Variants in MGA observed in about 807,000 individuals in gnomAD.
MGA encodes MAX dimerization protein MGA, also known as MAX gene-associated protein.
Under a neutral mutation model 261.1 loss-of-function variants are expected in MGA, and 40 were observed. That is an observed-to-expected ratio of 0.15 (90% CI 0.12 to 0.20). MGA has a LOEUF of 0.20. Ranked by LOEUF, MGA falls within the 10% of genes least tolerant of loss-of-function variation. The pLI is 1.00. For missense variants in MGA, 3,397 were observed against 3,630.5 expected, an observed-to-expected ratio of 0.94 and a Z score of 1.65; for synonymous variants, 1,302 against 1,290.6, an observed-to-expected ratio of 1.01 and a Z score of -0.19.
At chr15:41,655,592 CAT>C (rs1278571882), upstream of MGA, among the ~76,000 whole-genome samples, 2 of 151,940 alleles carry the variant, frequency 1.3e-5, no homozygotes, top group Non-Finnish European at 2.9e-5. Flanking sequence ...ATTTTTTCCA[CAT>C]ATTTTTGATC....
Position 41,708,213 on chromosome 15 carries a change from T to C in MGA, c.2425+5T>C. ...CTTCTGCATCTAGGAATGAAGGTAA[T>C]TAGTTTTTTAAAATTTTTTAAATGT... On this transcript the variant is annotated splice_donor_5th_base_variant and intron_variant, in intron 7 of 23. Coordinates refer to ENST00000219905, the MANE Select transcript of MGA (RefSeq NM_001164273.2). The C allele has an allele frequency of 6.5e-7, 1 of 1,548,058 alleles. No individual in the cohort carries two copies. The highest frequency in any genetic ancestry group is 8.7e-7 in the Non-Finnish European group (1 of 1,144,130).
At chr15:41,732,088 C>A (rs1055665661) in intron 11 of MGA, among the ~76,000 whole-genome samples, 4 of 152,036 alleles carry the variant, frequency 2.6e-5, no homozygotes, top group Non-Finnish European at 5.9e-5. Context: ...GTATACTTGA[C>A]CCCAAAGGTG....
intron 5 of MGA, among the ~76,000 whole-genome samples, chr15:41,706,326 C>T (rs1449787399): frequency 7.2e-6 from 1 of 138,730 alleles, no homozygotes; most frequent in East Asian, 2.1e-4. Flanking sequence ...AAATAGCTGT[C>T]TTTTTTTTTT....
Position 41,769,817 on chromosome 15 carries a change from T to C in MGA, c.*2537T>C, listed in dbSNP as rs1255637074. On this transcript the variant is annotated 3_prime_UTR_variant, in exon 24 of 24. Transcript: ENST00000219905. ...AGCATTTTCTTTTATATATTAAATATATATATCTTTCCTTTTCTGCTTTCG... is the reference window on the plus strand; with the variant it reads ...AGCATTTTCTTTTATATATTAAATACATATATCTTTCCTTTTCTGCTTTCG... 6.6e-6 allele frequency: 1 copy of C among 152,590 alleles called. No individual in the cohort carries two copies. Among genetic ancestry groups the C allele is most frequent in the African/African-American group, 2.4e-5 (1 of 41,434 alleles). The allele number at this position is 152,590 out of a possible 1,614,324, so 9.5% of individuals were successfully genotyped here. A position where few individuals can be genotyped will look rare whatever the true frequency, so the allele number is the denominator to read the frequency against.
rs540546798 is a variant in MGA, at chr15:41,696,015, CAA to C, written c.1065-59_1065-58del. The C allele has an allele frequency of 2.2e-3, 2,421 of 1,118,630 alleles. 8 individuals are homozygous for C. The highest frequency in any genetic ancestry group is 3.3e-3 in the South Asian group (170 of 51,490). The allele number at this position is 1,118,630 out of a possible 1,614,324, so 69.3% of individuals were successfully genotyped here. The stretch of plus-strand genomic sequence containing the variant: ...TAACATCTTTTTTTTTTTTTCTCTT[CAA>C]GTCTTGTTAATGGATCATTTTGTAC... On this transcript the variant is annotated intron_variant, in intron 2 of 23. Coordinates refer to ENST00000219905, the MANE Select transcript of MGA (RefSeq NM_001164273.2).
intron 2 of MGA, among the ~76,000 whole-genome samples, chr15:41,673,500 G>A (rs1362428594): frequency 2.7e-5 from 4 of 149,990 alleles, no homozygotes; most frequent in Non-Finnish European, 5.9e-5. Context: ...TTACAGGCGT[G>A]AGCTACCATG....
chr15:41,768,951 C>T lies in MGA; in HGVS notation c.*1671C>T, dbSNP rs753028590. The T allele has an allele frequency of 6.6e-6, 1 of 152,540 alleles. No individual in the cohort carries two copies. The highest frequency in any genetic ancestry group is 1.5e-5 in the Non-Finnish European group (1 of 68,024). The allele number at this position is 152,540 out of a possible 1,614,324, so 9.4% of individuals were successfully genotyped here. ...TTTTGTGCTGCTTGCCTTTCTAGAT[C>T]TGCTCATCAGCACTTAACCTTCCCT... On this transcript the variant is annotated 3_prime_UTR_variant, in exon 24 of 24. Coordinates refer to ENST00000219905, the MANE Select transcript of MGA (RefSeq NM_001164273.2).
chr15:41,735,034 G>A (rs547611939), intron 12 of MGA, among the ~76,000 whole-genome samples: 1 of 152,238 alleles, frequency 6.6e-6, no homozygotes, highest in African/African-American at 2.4e-5. Context: ...GTGGTCAGGT[G>A]GTTACCAATT....
At chr15:41,640,750 C>T (rs1365100513) in intron 1 of MGA, among the ~76,000 whole-genome samples, 1 of 152,188 alleles carries the variant, frequency 6.6e-6, no homozygotes, top group Non-Finnish European at 1.5e-5. Context: ...AACTCCTGAC[C>T]TCACGATCTG....
At chr15:41,752,937 CT>C (rs202079582) in intron 17 of MGA, among the ~76,000 whole-genome samples, 3 of 151,520 alleles carry the variant, frequency 2.0e-5, no homozygotes, top group Admixed American at 6.6e-5. Context: ...GTTATACTGA[CT>C]TTTTTTTTAA....
intron 11 of MGA, 24 bp downstream of exon 11, chr15:41,729,373 CT>C (rs2061395164): frequency 2.5e-6 from 4 of 1,586,132 alleles, no homozygotes; most frequent in Non-Finnish European, 3.4e-6. Flanking sequence ...TGCATAAGTT[CT>C]TTTTAACTTC....
At chr15:41,667,452 G>T (rs978845299) in intron 1 of MGA, among the ~76,000 whole-genome samples, 3 of 152,106 alleles carry the variant, frequency 2.0e-5, no homozygotes, top group East Asian at 3.9e-4. Flanking sequence ...CACCATGTTG[G>T]CCAGGCTGGT....
rs371316400 is a variant in MGA, at chr15:41,736,612, C to T, written c.4348C>T (p.Leu1450=). The change falls in exon 13 of 24, where the codon CTG becomes TTG. Residue 1450 remains leucine, a synonymous_variant. Transcript: ENST00000219905. ...GGAGAGATTACATGGAGGCAAAGGT[C>T]TGCCTTTTTATGCAGGGCTTTCTCC... 3.1e-6 allele frequency: 5 copies of T among 1,613,884 alleles called. No homozygotes were observed. Among genetic ancestry groups the T allele is most frequent in the Middle Eastern group, 3.3e-4 (2 of 6,084 alleles).
chr15:41,708,262 T>A, intron 7 of MGA, 54 bp downstream of exon 7: 1 of 1,260,412 alleles, frequency 7.9e-7, no homozygotes, highest in Non-Finnish European at 1.1e-6. Flanking sequence ...GCCAGAAACC[T>A]TTTGTTAAAA....
rs34069193 is a variant in MGA, at chr15:41,762,461, G to GTTTTTTTTTTTTTTTTTTTTT, written c.7744+109_7744+129dup. On this transcript the variant is annotated intron_variant, in intron 22 of 23. Transcript: ENST00000219905. Reference sequence around the variant, plus strand: ...TTGTCCACATTTTTAGTTTTGTGTGGTTTTTTTTTTTTTTTTTTTTTTTTT... The same window carrying GTTTTTTTTTTTTTTTTTTTTT: ...TTGTCCACATTTTTAGTTTTGTGTGGTTTTTTTTTTTTTTTTTTTTTTTTTTTTTTTTTTTTTTTTTTTTTT... The GTTTTTTTTTTTTTTTTTTTTT allele has an allele frequency of 1.7e-4, 24 of 138,444 alleles. 4 individuals carry two copies. Among genetic ancestry groups the GTTTTTTTTTTTTTTTTTTTTT allele is most frequent in the East Asian group, 7.3e-4 (2 of 2,746 alleles). The allele number at this position is 138,444 out of a possible 1,614,324, so 8.6% of individuals were successfully genotyped here.
At chr15:41,760,758 C>A (rs557799196) in intron 20 of MGA, among the ~76,000 whole-genome samples, 1 of 150,162 alleles carries the variant, frequency 6.7e-6, no homozygotes, top group African/African-American at 2.5e-5. Flanking sequence ...TCTTTTGAGA[C>A]GGAGTTTTGC....
intron 11 of MGA, among the ~76,000 whole-genome samples, chr15:41,731,149 A>G (rs927626965): frequency 5.3e-5 from 8 of 152,178 alleles, no homozygotes; most frequent in Non-Finnish European, 1.0e-4. Flanking sequence ...GATGACAGTA[A>G]TTTAAAAATG....
Position 41,742,782 on chromosome 15 carries a change from A to G in MGA, c.4822A>G (p.Asn1608Asp). Residue 1608 changes from asparagine (N) to aspartate (D), a missense_variant, in exon 15 of 24, where the codon AAT (asparagine) becomes GAT (aspartate). Asn to Asp is a conservative substitution (Grantham distance 23). This residue lies in a region of MGA where 1,410 missense variants were observed against 1,386.4 expected (regional missense o/e 1.02). Transcript: ENST00000219905. ...TACCACCCCTCAAGTGTTTTTAGAA[A>G]ATACTACTGCTGTGACACCTATGAC... is the stretch of plus-strand genomic sequence containing the variant. 6.2e-7 allele frequency: 1 copy of G among 1,613,962 alleles called. No homozygotes were observed. The highest frequency in any genetic ancestry group is 8.5e-7 in the Non-Finnish European group (1 of 1,179,890).
intron 5 of MGA, among the ~76,000 whole-genome samples, chr15:41,699,448 A>G (rs527778543): frequency 6.6e-6 from 1 of 152,202 alleles, no homozygotes; most frequent in South Asian, 2.1e-4. Flanking sequence ...ATAACCTGGT[A>G]TTCTCCCCTT....
Sources: allele counts gnomAD v4.1 joint callset (sites outside exome capture counted in the v4.1 genomes callset), GRCh38; gene constraint gnomAD v4.1.1; regional missense constraint gnomAD v4.1.1; transcripts MANE v1.5; gene names NCBI Gene and HGNC (gene_info 2026-07-23, HGNC 2026-07-21).